Variants in PODNL1 observed in about 807,000 individuals in gnomAD.
PODNL1 encodes the protein podocan like 1.
In PODNL1, 50 loss-of-function variants were observed where a neutral mutation model predicts 45.1. The ratio of observed to expected loss-of-function variants is 1.11; its 90% CI spans 0.88 to 1.40. The LOEUF is 1.40. PODNL1 is among the 40% of genes most tolerant of loss of function. The pLI is 0.00. For synonymous variants in PODNL1, 406 were observed against 372.5 expected, an observed-to-expected ratio of 1.09 and a Z score of -1.04; for missense variants, 788 against 793.3, an observed-to-expected ratio of 0.99 and a Z score of 0.08.
chr19:13,940,977 T>C (rs963754892), upstream of PODNL1, among the ~76,000 whole-genome samples: 3 of 151,438 alleles, frequency 2.0e-5, no homozygotes, highest in Non-Finnish European at 2.9e-5. Flanking sequence ...ACCCAGGAGG[T>C]TGAAGCTGCA....
intron 1 of PODNL1, chr19:13,952,936 G>A: frequency 1.1e-6 from 1 of 882,268 alleles, no homozygotes; most frequent in African/African-American, 1.8e-5. Context: ...CCCAGAGGCC[G>A]CAGGGAGAAT....
At chr19:13,952,718 G>A (rs1973116205) in intron 1 of PODNL1, 1 of 1,303,238 alleles carries the variant, frequency 7.7e-7, no homozygotes, top group Non-Finnish European at 9.7e-7. Context: ...AGGGAGGAGG[G>A]CGTTCGCGGG....
upstream of PODNL1, among the ~76,000 whole-genome samples, chr19:13,939,066 A>G (rs1429620362): frequency 6.6e-6 from 1 of 152,162 alleles, no homozygotes; most frequent in African/African-American, 2.4e-5. Context: ...CAGACCCACA[A>G]CTTACCAACA....
At chr19:13,938,067 G>A (rs533457549) in intron 1 of PODNL1, 61 bp from the exon 2 acceptor site, 9 of 1,456,398 alleles carry the variant, frequency 6.2e-6, no homozygotes, top group African/African-American at 2.8e-5. Context: ...ATGGTGACTG[G>A]AGCATCCCCT....
intron 8 of PODNL1, chr19:13,932,479 A>G: frequency 6.4e-6 from 4 of 629,580 alleles, no homozygotes; most frequent in Non-Finnish European, 1.1e-5. Context: ...CTCCTGCCTC[A>G]GCCTCCTGAA....
intron 5 of PODNL1, among the ~76,000 whole-genome samples, chr19:13,934,751 AGT>A (rs1972219548): frequency 6.6e-6 from 1 of 151,098 alleles, no homozygotes. Flanking sequence ...TGTATATGCA[AGT>A]GTGTGCTATG....
intron 1 of PODNL1, among the ~76,000 whole-genome samples, chr19:13,947,054 C>CAA (rs367589151): frequency 0.013 from 1,611 of 127,998 alleles, 49 homozygotes; most frequent in African/African-American, 0.044. Flanking sequence ...CACAAAAAAA[C>CAA]AAAAAAAAAA....
At chr19:13,934,663 AGT>A (rs1345980521) in intron 5 of PODNL1, among the ~76,000 whole-genome samples, 3 of 149,998 alleles carry the variant, frequency 2.0e-5, no homozygotes, top group Admixed American at 6.6e-5. Flanking sequence ...TGCATGTGTA[AGT>A]GTAATGAGTG....
chr19:13,946,214 G>A (rs996336375), intron 1 of PODNL1, among the ~76,000 whole-genome samples: 2 of 151,956 alleles, frequency 1.3e-5, no homozygotes, highest in African/African-American at 2.4e-5. Flanking sequence ...GGCGGATCAC[G>A]AGGTAAGGAG....
intron 1 of PODNL1, chr19:13,952,923 G>A: frequency 1.2e-6 from 1 of 849,038 alleles, no homozygotes; most frequent in Non-Finnish European, 1.7e-6. Context: ...GGAGGGAGGC[G>A]ACCCCAGAGG....
At chr19:13,935,685 C>G in intron 5 of PODNL1, 36 bp downstream of exon 5, 4 of 1,448,780 alleles carry the variant, frequency 2.8e-6, no homozygotes, top group Non-Finnish European at 3.7e-6. Context: ...ACAGATGTAT[C>G]TGAGGCCTGG....
At position 13,944,919 on chromosome 19, in the gene PODNL1, G is replaced by A. The variant is rs116141866; in HGVS notation, c.19-6913C>T. Among the ~76,000 whole-genome samples the A allele has an allele frequency of 6.5e-3, 993 of 152,194 alleles. 5 individuals carry two copies. Among genetic ancestry groups the A allele is most frequent in the Middle Eastern group, 0.017 (5 of 294 alleles). ...GTCTTCCCAGTAGCTAAGACTACAG[G>A]TGTACACCACCATGCTTGGCTAATT... On this transcript the variant is annotated intron_variant, in intron 1 of 7. Coordinates refer to the PODNL1 transcript ENST00000538371.
chr19:13,950,985 G>C (rs1972992160), intron 1 of PODNL1, among the ~76,000 whole-genome samples: 1 of 150,592 alleles, frequency 6.6e-6, no homozygotes, highest in African/African-American at 2.5e-5. Context: ...GGAGGTGAAG[G>C]GTGCAGTGAG....
chr19:13,951,836 T>C (rs1035120584), intron 1 of PODNL1, among the ~76,000 whole-genome samples: 3 of 152,214 alleles, frequency 2.0e-5, no homozygotes, highest in South Asian at 2.1e-4. Context: ...TCAACAATTA[T>C]TTTTATTGCT....
At position 13,948,521 on chromosome 19, in the gene PODNL1, A is replaced by G. The variant is rs1485749144; in HGVS notation, c.18+4598T>C. On this transcript the variant is annotated intron_variant, in intron 1 of 7. Coordinates refer to the PODNL1 transcript ENST00000538371. ...GCCACCATGCCCGGCCGTATTCTCC[A>G]TTTTCAATGCTAGTAGATTAATCTA... Among the ~76,000 whole-genome samples the G allele has an allele frequency of 2.0e-5, 3 of 150,032 alleles. No homozygotes were observed. The East Asian group carries it at 5.9e-4, about 30-fold the overall frequency.
chr19:13,935,110 TTG>T (rs1366742820), intron 5 of PODNL1, among the ~76,000 whole-genome samples: 3 of 151,490 alleles, frequency 2.0e-5, no homozygotes, highest in Non-Finnish European at 4.4e-5. Flanking sequence ...GTTCATGTGG[TTG>T]TGTGTGCAGG....
rs190273381 is a variant in PODNL1, at chr19:13,946,598, G to T, written c.18+6521C>A. On this transcript the variant is annotated intron_variant, in intron 1 of 7. Coordinates refer to the PODNL1 transcript ENST00000538371. ...TGTGGGAAATGAATCATAATTTCTAGTTCTATTTACCTGCCCCATCCTGTT... is the reference window on the plus strand; with the variant it reads ...TGTGGGAAATGAATCATAATTTCTATTTCTATTTACCTGCCCCATCCTGTT... Among the ~76,000 whole-genome samples, 12 of 152,218 alleles carry T rather than the reference G, an allele frequency of 7.9e-5. No individual in the cohort carries two copies. In the East Asian group the frequency reaches 2.1e-3, roughly 27 times the overall value.
rs1003903781 is a variant in PODNL1, at chr19:13,933,662, G to C, written c.768-207C>G. Among the ~76,000 whole-genome samples, 10 of 152,158 alleles carry C rather than the reference G, an allele frequency of 6.6e-5. No homozygotes were observed. The highest frequency in any genetic ancestry group is 1.5e-4 in the Non-Finnish European group (10 of 68,018). On this transcript the variant is annotated intron_variant, in intron 7 of 9. Transcript: ENST00000588872. The surrounding 1 kb of genome is among the most constrained non-coding windows in gnomAD (Gnocchi z 5.2). Reference sequence around the variant, plus strand: ...TGAGAGTTAGCTATGGGGGTGACCAGGGTAGAGCCGAGATGGAAAGGCATG... The same window carrying C: ...TGAGAGTTAGCTATGGGGGTGACCACGGTAGAGCCGAGATGGAAAGGCATG...
intron 5 of PODNL1, among the ~76,000 whole-genome samples, chr19:13,935,249 A>G (rs1972263079): frequency 6.6e-6 from 1 of 152,080 alleles, no homozygotes; most frequent in Admixed American, 6.5e-5. Flanking sequence ...CCCAGGGTAG[A>G]ACTATGCCCT....
Sources: allele counts gnomAD v4.1 joint callset (sites outside exome capture counted in the v4.1 genomes callset), GRCh38; gene constraint gnomAD v4.1.1; non-coding constraint Gnocchi (gnomAD v3.1); transcripts MANE v1.5; gene names NCBI Gene and HGNC (gene_info 2026-07-23, HGNC 2026-07-21).